LMO4: variants seen among roughly 807,000 people sequenced by gnomAD.
The protein encoded by LMO4 is LIM domain transcription factor LMO4.
A neutral mutation model predicts 18.5 loss-of-function variants in LMO4; 3 were observed. The observed-to-expected ratio is 0.16, with a 90% CI of 0.07 to 0.42. LMO4 has a LOEUF of 0.42. Ranked by LOEUF, LMO4 falls within the 10% of genes least tolerant of loss-of-function variation. The probability of loss-of-function intolerance (pLI) is 0.99; values close to 1 mark genes in which losing one functional copy is unlikely to be tolerated. For missense variants in LMO4, 121 were observed against 219.9 expected (o/e 0.55, Z 2.84); for synonymous variants, 100 against 88.1 (o/e 1.14, Z -0.76).
At chr1:87,342,690 C>T (rs905611341) in intron 4 of LMO4, among the ~76,000 whole-genome samples, 3 of 151,894 alleles carry the variant, frequency 2.0e-5, no homozygotes, top group African/African-American at 7.3e-5. Flanking sequence ...ACATTTTTGC[C>T]CTTGGTGCCC....
intron 2 of LMO4, among the ~76,000 whole-genome samples, chr1:87,338,142 A>G (rs1425677526): frequency 6.6e-6 from 1 of 152,200 alleles, no homozygotes; most frequent in Admixed American, 6.5e-5. Context: ...GCTATTTTCA[A>G]TAAAGTGGCG....
intron 4 of LMO4, among the ~76,000 whole-genome samples, chr1:87,342,717 G>A (rs1012390435): frequency 2.6e-5 from 4 of 152,052 alleles, no homozygotes; most frequent in Non-Finnish European, 4.4e-5. Context: ...CCATGAGCAC[G>A]GTCAATTCAC....
chr1:87,347,861 CTA>C lies in LMO4; in HGVS notation c.*3067_*3068del, dbSNP rs954444716. On this transcript the variant is annotated 3_prime_UTR_variant, in exon 5 of 5. Coordinates refer to ENST00000370544, the MANE Select transcript of LMO4 (RefSeq NM_006769.4). The stretch of plus-strand genomic sequence containing the variant: ...AAACCAAATCGTTTGCCACTAGAAA[CTA>C]TTTTCAGCTCTTCATGATTTATTAG... The C allele has an allele frequency of 6.6e-6, 1 of 152,164 alleles. No homozygotes were observed. The allele number at this position is 152,164 out of a possible 1,614,324, so 9.4% of individuals were successfully genotyped here. A position where few individuals can be genotyped will look rare whatever the true frequency, so the allele number is the denominator to read the frequency against.
chr1:87,333,798 A>G (rs1650218189), intron 2 of LMO4, among the ~76,000 whole-genome samples: 1 of 152,200 alleles, frequency 6.6e-6, no homozygotes, highest in Non-Finnish European at 1.5e-5. Flanking sequence ...CCTCCTTCCA[A>G]GTAATGCCAT....
chr1:87,328,998 C>G lies in LMO4; in HGVS notation c.-250C>G. 6.6e-6 allele frequency: 1 copy of G among 151,242 alleles called. No homozygotes were observed. Among genetic ancestry groups the G allele is most frequent in the Non-Finnish European group, 1.5e-5 (1 of 67,740 alleles). The allele number at this position is 151,242 out of a possible 1,614,324, so 9.4% of individuals were successfully genotyped here. ...AGGCGGAGAAGGACGAAGACTGAGA[C>G]TGACACTTCTGCTCCCGGCCGCCCG... On this transcript the variant is annotated 5_prime_UTR_variant, in exon 1 of 5. Transcript: ENST00000370544.
intron 2 of LMO4, among the ~76,000 whole-genome samples, chr1:87,338,331 G>A (rs1650370810): frequency 6.6e-6 from 1 of 152,144 alleles, no homozygotes; most frequent in East Asian, 1.9e-4. Flanking sequence ...TGGACAAGGA[G>A]GAAATGCAAA....
chr1:87,334,876 G>C (rs1650256651), intron 2 of LMO4, among the ~76,000 whole-genome samples: 1 of 152,186 alleles, frequency 6.6e-6, no homozygotes, highest in African/African-American at 2.4e-5. Flanking sequence ...TTTAATTAGT[G>C]GCTCCTCCAT....
At chr1:87,331,705 A>T in intron 1 of LMO4, 1 of 377,140 alleles carries the variant, frequency 2.7e-6, no homozygotes, top group East Asian at 4.3e-5. Flanking sequence ...TGGAGCGCGC[A>T]GCGGAGCCTG....
chr1:87,348,230 A>T lies in LMO4; in HGVS notation c.*3434A>T, dbSNP rs796597461. On this transcript the variant is annotated 3_prime_UTR_variant, in exon 5 of 5. Coordinates refer to ENST00000370544, the MANE Select transcript of LMO4 (RefSeq NM_006769.4). ...CTAACTAATTGTATTTAAATTGAGG[A>T]GATCCAAAAACCCCATCACCCTTCA... is the stretch of plus-strand genomic sequence containing the variant. 2 of 157,478 alleles carry T rather than the reference A, an allele frequency of 1.3e-5. No homozygotes were observed. The highest frequency in any genetic ancestry group is 4.8e-5 in the African/African-American group (2 of 41,630). 9.8% of individuals were successfully genotyped at this position (157,478 alleles called of 1,614,324 possible).
In LMO4 at chr1:87,347,090, A is replaced by T. The variant is rs767598130; in HGVS notation, c.*2294A>T. 6.6e-6 allele frequency: 1 copy of T among 152,202 alleles called. No individual in the cohort carries two copies. Among genetic ancestry groups the T allele is most frequent in the Non-Finnish European group, 1.5e-5 (1 of 68,042 alleles). The allele number at this position is 152,202 out of a possible 1,614,324, so 9.4% of individuals were successfully genotyped here. A position where few individuals can be genotyped will look rare whatever the true frequency, so the allele number is the denominator to read the frequency against. Reference sequence around the variant, plus strand: ...TTACGGACTTTAAATAAACTATTATATGGCTGGTTCCTCAAGCACTGCTGC... The same window carrying T: ...TTACGGACTTTAAATAAACTATTATTTGGCTGGTTCCTCAAGCACTGCTGC... On this transcript the variant is annotated 3_prime_UTR_variant, in exon 5 of 5. Transcript: ENST00000370544.
At chr1:87,337,483 C>T (rs1650347656) in intron 2 of LMO4, among the ~76,000 whole-genome samples, 1 of 152,130 alleles carries the variant, frequency 6.6e-6, no homozygotes, top group South Asian at 2.1e-4. Context: ...GTAGTGGCAA[C>T]CATAATTATA....
Position 87,336,027 on chromosome 1 carries a change from A to AT in LMO4, c.237-3499dup, listed in dbSNP as rs892521684. On this transcript the variant is annotated intron_variant, in intron 2 of 4. Coordinates refer to ENST00000370544, the MANE Select transcript of LMO4 (RefSeq NM_006769.4). ...GAATTAACCAAGCGTAATTTGGCTG[A>AT]TTTTTTTTTTCCTATTATGCACAGC... 2.0e-3 allele frequency among the ~76,000 whole-genome samples: 295 copies of AT among 150,680 alleles called. 2 individuals are homozygous for AT. Among genetic ancestry groups the AT allele is most frequent in the African/African-American group, 5.8e-3 (239 of 41,098 alleles).
chr1:87,344,649 C>T (rs1369049444), intron 4 of LMO4, 139 bp from the exon 5 acceptor site: 2 of 806,474 alleles, frequency 2.5e-6, no homozygotes, highest in Non-Finnish European at 4.2e-6. Context: ...GCATAGAAAG[C>T]CTCTATCAAG....
intron 4 of LMO4, among the ~76,000 whole-genome samples, 161 bp from the exon 5 acceptor site, chr1:87,344,627 C>T (rs917288234): frequency 3.3e-5 from 5 of 152,122 alleles, no homozygotes; most frequent in Admixed American, 6.5e-5. Flanking sequence ...TTCTTCACTG[C>T]CAGAGTAAGT....
At chr1:87,344,020 A>G (rs779041535) in intron 4 of LMO4, among the ~76,000 whole-genome samples, 2 of 152,210 alleles carry the variant, frequency 1.3e-5, no homozygotes, top group Admixed American at 6.5e-5. Context: ...GCATTGAACT[A>G]TGTTCTTTTA....
chr1:87,329,729 C>G (rs574307181), intron 1 of LMO4, among the ~76,000 whole-genome samples: 4 of 152,232 alleles, frequency 2.6e-5, no homozygotes, highest in African/African-American at 9.6e-5. Context: ...TTCTTCTTGG[C>G]TTATAAGTCT....
chr1:87,335,919 T>C (rs939539642), intron 2 of LMO4, among the ~76,000 whole-genome samples: 18 of 151,176 alleles, frequency 1.2e-4, no homozygotes, highest in Admixed American at 1.3e-4. Flanking sequence ...TCGCATGCAA[T>C]TTAGGGGGAA....
At chr1:87,331,911 C>G (rs1429455596) in intron 1 of LMO4, 102 bp from the exon 2 acceptor site, 2 of 946,026 alleles carry the variant, frequency 2.1e-6, no homozygotes, top group Admixed American at 4.0e-5. Context: ...AGCAGCTCCG[C>G]GGGGAGGAGG....
chr1:87,338,415 CCT>C (rs1434369844), intron 2 of LMO4, among the ~76,000 whole-genome samples: 1 of 152,130 alleles, frequency 6.6e-6, no homozygotes, highest in African/African-American at 2.4e-5. Flanking sequence ...TTGAAAACTA[CCT>C]CTCTGATTCT....
Sources: allele counts gnomAD v4.1 joint callset (sites outside exome capture counted in the v4.1 genomes callset), GRCh38; gene constraint gnomAD v4.1.1; transcripts MANE v1.5; gene names NCBI Gene and HGNC (gene_info 2026-07-23, HGNC 2026-07-21).